ZNF280C: variants seen among roughly 807,000 people sequenced by gnomAD.
The protein encoded by ZNF280C is zinc finger protein 280C.
In ZNF280C, 14 loss-of-function variants were observed where a neutral mutation model predicts 53.6. The ratio of observed to expected loss-of-function variants is 0.26; its 90% CI spans 0.17 to 0.41. ZNF280C has a LOEUF of 0.41. Among genes scored for constraint, ZNF280C ranks in the 10% least tolerant of loss-of-function variants. The pLI, the probability that ZNF280C is intolerant of heterozygous loss-of-function variation, is 1.00. For missense variants in ZNF280C, 416 were observed against 547.1 expected (o/e 0.76, Z 2.39); for synonymous variants, 203 against 181.1 (o/e 1.12, Z -0.97).
intron 15 of ZNF280C, among the ~76,000 whole-genome samples, chrX:130,213,124 CG>C (rs1460425349): frequency 9.0e-6 from 1 of 111,241 alleles, no homozygotes; most frequent in Admixed American, 9.6e-5. Context: ...GAGGCCGAGG[CG>C]GGCGGATCAT....
chrX:130,243,747 A>T (rs1434950905), intron 4 of ZNF280C, 48 bp from the exon 5 acceptor site: 4 of 1,164,236 alleles, frequency 3.4e-6, no homozygotes, highest in Non-Finnish European at 4.6e-6. Context: ...CTATACAACC[A>T]ATTATATCAA....
At chrX:130,214,233 T>A (rs209234) in intron 15 of ZNF280C, among the ~76,000 whole-genome samples, 55,780 of 110,694 alleles carry the variant, frequency 0.5, 10,833 homozygotes, top group African/African-American at 0.72. Flanking sequence ...GTGAATGAGG[T>A]TCAAATGAAA....
At chrX:130,251,481 A>C (rs1468220461) in intron 2 of ZNF280C, among the ~76,000 whole-genome samples, 1 of 110,945 alleles carries the variant, frequency 9.0e-6, no homozygotes, top group African/African-American at 3.3e-5. Flanking sequence ...AGGTCTACAG[A>C]GCAAACAGCC....
chrX:130,229,417 AT>A (rs1244163842), intron 9 of ZNF280C, among the ~76,000 whole-genome samples: 4 of 111,481 alleles, frequency 3.6e-5, no homozygotes, highest in African/African-American at 9.7e-5. Context: ...TAGATTTAAA[AT>A]TTTTTTTAGC....
intron 2 of ZNF280C, among the ~76,000 whole-genome samples, chrX:130,255,722 A>G (rs888553417): frequency 1.8e-5 from 2 of 111,698 alleles, no homozygotes; most frequent in African/African-American, 6.5e-5. Flanking sequence ...TCGGAGGCCA[A>G]GGCAGGTGGA....
chrX:130,244,923 A>C (rs772527241), intron 3 of ZNF280C, among the ~76,000 whole-genome samples: 12 of 111,693 alleles, frequency 1.1e-4, no homozygotes, highest in Non-Finnish European at 2.3e-4. Context: ...AGTCTTCTAA[A>C]AGAAAAATAT....
intron 2 of ZNF280C, among the ~76,000 whole-genome samples, chrX:130,248,680 A>G (rs2124711781): frequency 8.9e-6 from 1 of 111,735 alleles, no homozygotes; most frequent in Non-Finnish European, 1.9e-5. Context: ...TCCCTCTTGC[A>G]GTACAGCCTA....
chrX:130,255,147 T>C (rs2032554431), intron 2 of ZNF280C, among the ~76,000 whole-genome samples: 1 of 100,951 alleles, frequency 9.9e-6, no homozygotes, highest in South Asian at 4.7e-4. Flanking sequence ...TTTTCTTTTT[T>C]TTTTTTTTTT....
intron 8 of ZNF280C, among the ~76,000 whole-genome samples, chrX:130,231,907 G>C (rs189018392): frequency 2.7e-3 from 298 of 108,394 alleles, no homozygotes; most frequent in African/African-American, 9.1e-3. Context: ...CGTGTCTGTA[G>C]TCCCAGCTAC....
Position 130,253,530 on chromosome X carries a change from C to G in ZNF280C, c.32-6525G>C, listed in dbSNP as rs895971032. On this transcript the variant is annotated intron_variant, in intron 2 of 18. Coordinates refer to ENST00000370978, the MANE Select transcript of ZNF280C (RefSeq NM_017666.5). ...TTCAAATGGTACAGGGCTACAATAA[C>G]CAAAACAACATGGTCCTGGTACAAA... Among the ~76,000 whole-genome samples the G allele has an allele frequency of 2.7e-5, 3 of 111,892 alleles. No homozygotes were observed. The East Asian group carries it at 8.4e-4, about 31-fold the overall frequency.
intron 2 of ZNF280C, among the ~76,000 whole-genome samples, chrX:130,259,514 T>C (rs1023928219): frequency 8.9e-6 from 1 of 112,489 alleles, no homozygotes; most frequent in Non-Finnish European, 1.9e-5. Flanking sequence ...AGGCACATAA[T>C]AACATATATA....
At chrX:130,226,373 T>C (rs970197623) in intron 12 of ZNF280C, among the ~76,000 whole-genome samples, 1 of 111,905 alleles carries the variant, frequency 8.9e-6, no homozygotes, top group Admixed American at 9.5e-5. Context: ...TTATTCTTTT[T>C]CCTGCTCTTG....
intron 1 of ZNF280C, among the ~76,000 whole-genome samples, chrX:130,265,621 G>A (rs112659618): frequency 8.9e-5 from 10 of 112,086 alleles, no homozygotes; most frequent in African/African-American, 2.9e-4. Context: ...ACTGGACATA[G>A]GGGCTGACAA....
intron 1 of ZNF280C, 95 bp from the exon 2 acceptor site, chrX:130,260,560 T>C (rs2032620950): frequency 4.6e-6 from 3 of 646,337 alleles, no homozygotes; most frequent in Non-Finnish European, 6.8e-6. Flanking sequence ...AATCTTTGGG[T>C]CTAATTTTGA....
chrX:130,238,873 C>G (rs1230634491), intron 6 of ZNF280C, among the ~76,000 whole-genome samples: 1 of 111,200 alleles, frequency 9.0e-6, no homozygotes, highest in Admixed American at 9.6e-5. Context: ...GTTCCTCTTT[C>G]CATTTAGTGA....
At chrX:130,237,121 T>C (rs2032343118) in intron 6 of ZNF280C, among the ~76,000 whole-genome samples, 1 of 112,069 alleles carries the variant, frequency 8.9e-6, no homozygotes, top group Admixed American at 9.5e-5. Flanking sequence ...ATTTTTAATG[T>C]TTTTTAAAAA....
chrX:130,246,905 T>C lies in ZNF280C; in HGVS notation c.132A>G (p.Glu44=). ...TTGATATCTCTCCAACAAAGATCAG[T>C]TCATCGTCATCCTCATCCTGAGTTT... ...VEETQDEDDD[E]LIFVGEISSS... is the part of the protein sequence containing the mutation. The change falls in exon 3 of 19, where the codon GAA becomes GAG. Residue 44 remains glutamate (E), a synonymous_variant. Coordinates refer to ENST00000370978, the MANE Select transcript of ZNF280C (RefSeq NM_017666.5). 1 of 1,211,342 alleles carries C rather than the reference T, an allele frequency of 8.3e-7. No homozygotes were observed. The highest frequency in any genetic ancestry group is 1.1e-6 in the Non-Finnish European group (1 of 895,203).
intron 8 of ZNF280C, among the ~76,000 whole-genome samples, chrX:130,235,855 C>T (rs2032326632): frequency 8.9e-6 from 1 of 111,970 alleles, no homozygotes; most frequent in African/African-American, 3.2e-5. Context: ...TCCACACATA[C>T]CCTTCCCAGC....
chrX:130,236,839 A>G (rs2032340422), intron 6 of ZNF280C, among the ~76,000 whole-genome samples, 200 bp from the exon 7 acceptor site: 1 of 111,464 alleles, frequency 9.0e-6, no homozygotes, highest in Non-Finnish European at 1.9e-5. Context: ...GAGCAAGCAG[A>G]AATTGCACAA....
Sources: allele counts gnomAD v4.1 joint callset (sites outside exome capture counted in the v4.1 genomes callset), GRCh38; gene constraint gnomAD v4.1.1; transcripts MANE v1.5; gene names NCBI Gene and HGNC (gene_info 2026-07-23, HGNC 2026-07-21).